Variants in ESF1 observed in about 807,000 individuals in gnomAD.
The protein encoded by ESF1 is ESF1 nucleolar pre-rRNA processing protein.
ESF1 carries 58 observed loss-of-function variants against 92.0 expected under a neutral mutation model. The observed-to-expected ratio is 0.63, with a 90% CI of 0.51 to 0.78. The LOEUF is 0.78. Ranked by LOEUF, ESF1 falls within the 30% of genes least tolerant of loss-of-function variation. The pLI, the probability that ESF1 is intolerant of heterozygous loss-of-function variation, is 0.00. For missense variants in ESF1, 922 were observed against 989.1 expected, an observed-to-expected ratio of 0.93 and a Z score of 0.91; for synonymous variants, 321 against 313.7, an observed-to-expected ratio of 1.02 and a Z score of -0.24.
chr20:13,737,828 T>C lies in ESF1; in HGVS notation c.1829-3986A>G, dbSNP rs183300581. 4.4e-3 allele frequency among the ~76,000 whole-genome samples: 662 copies of C among 152,110 alleles called. 2 individuals carry two copies. The highest frequency in any genetic ancestry group is 0.015 in the South Asian group (73 of 4,826). On this transcript the variant is annotated intron_variant, in intron 9 of 13. Coordinates refer to ENST00000617257, the MANE Select transcript of ESF1 (RefSeq NM_001276380.2). Reference sequence around the variant, plus strand: ...GCCACCATGCCAGACTAATTTTTTCTGTATTTTTAGTAGAGACAGGGTTCG... The same window carrying C: ...GCCACCATGCCAGACTAATTTTTTCCGTATTTTTAGTAGAGACAGGGTTCG...
At chr20:13,770,431 T>C (rs1301592789) in intron 6 of ESF1, among the ~76,000 whole-genome samples, 2 of 152,212 alleles carry the variant, frequency 1.3e-5, no homozygotes, top group Non-Finnish European at 2.9e-5. Flanking sequence ...GTCCATGGCA[T>C]AATCATGGCT....
At chr20:13,748,637 G>C (rs1190694460) in intron 9 of ESF1, among the ~76,000 whole-genome samples, 1 of 146,428 alleles carries the variant, frequency 6.8e-6, no homozygotes, top group Admixed American at 6.8e-5. Context: ...CCCCAGGCTG[G>C]AGTGCAGTGG....
intron 9 of ESF1, among the ~76,000 whole-genome samples, chr20:13,748,585 TATATATA>T (rs1348830286): frequency 0.039 from 2,765 of 70,032 alleles, 173 homozygotes; most frequent in African/African-American, 0.12. Context: ...TATATATATA[TATATATA>T]TTTTTTTTTT....
At chr20:13,767,430 A>G (rs1979482585) in intron 7 of ESF1, among the ~76,000 whole-genome samples, 1 of 151,936 alleles carries the variant, frequency 6.6e-6, no homozygotes, top group Admixed American at 6.6e-5. Context: ...CTGAGGCAGC[A>G]GAATCAGGAG....
Position 13,715,931 on chromosome 20 carries a change from T to C in ESF1, c.2263-764A>G, listed in dbSNP as rs73091994. Among the ~76,000 whole-genome samples, 556 of 152,290 alleles carry C rather than the reference T, an allele frequency of 3.7e-3. 1 individual carries two copies. The highest frequency in any genetic ancestry group is 6.2e-3 in the Non-Finnish European group (422 of 68,020). Reference sequence around the variant, plus strand: ...ACAAGGAAAAAAATCCTGTAAAAAATACTTTTATGCATATATTAATATATG... The same window carrying C: ...ACAAGGAAAAAAATCCTGTAAAAAACACTTTTATGCATATATTAATATATG... On this transcript the variant is annotated intron_variant, in intron 13 of 13. Transcript: ENST00000617257.
intron 7 of ESF1, among the ~76,000 whole-genome samples, chr20:13,767,838 T>C (rs988414548): frequency 8.5e-5 from 13 of 152,326 alleles, no homozygotes; most frequent in Non-Finnish European, 1.6e-4. Flanking sequence ...ATCTTCATCA[T>C]AGGGTAGATC....
chr20:13,782,075 A>G (rs971659378), intron 2 of ESF1, among the ~76,000 whole-genome samples: 3 of 151,976 alleles, frequency 2.0e-5, no homozygotes, highest in African/African-American at 7.2e-5. Flanking sequence ...ATGGGGTTTC[A>G]CCATGTTGGC....
chr20:13,771,297 A>G, intron 6 of ESF1, 34 bp downstream of exon 6: 1 of 1,561,824 alleles, frequency 6.4e-7, no homozygotes, highest in South Asian at 1.1e-5. Context: ...TGTTGTACTA[A>G]AAGATTAAAT....
At chr20:13,746,988 G>A (rs768978313) in intron 9 of ESF1, among the ~76,000 whole-genome samples, 1 of 152,120 alleles carries the variant, frequency 6.6e-6, no homozygotes, top group Non-Finnish European at 1.5e-5. Context: ...TAGACACAAT[G>A]ACAATGTTTG....
In ESF1 at chr20:13,783,067, A is replaced by T. The variant is rs761489687; in HGVS notation, c.74T>A (p.Met25Lys). ...TTTGACTTTTCGATCCTTTTCTGGC[A>T]TTTCCCAAAATCTCGGGTCCTTTGC... ...RVAKDPRFWE[M>K]PEKDRKVKID... The change falls in exon 2 of 14, where the codon ATG (methionine) becomes AAG (lysine). Residue 25 changes from methionine (M) to lysine (K), a missense_variant. By Grantham distance (95) the Met-to-Lys change is moderately conservative (BLOSUM62 -1). Coordinates refer to ENST00000617257, the MANE Select transcript of ESF1 (RefSeq NM_001276380.2). The T allele has an allele frequency of 1.2e-6, 2 of 1,613,886 alleles. No homozygotes were observed. Among genetic ancestry groups the T allele is most frequent in the Non-Finnish European group, 1.7e-6 (2 of 1,180,014 alleles).
chr20:13,718,065 A>G (rs188856636), intron 12 of ESF1, among the ~76,000 whole-genome samples: 13 of 151,462 alleles, frequency 8.6e-5, no homozygotes. Context: ...CTAAACGGGT[A>G]TTTTCTACCA....
At chr20:13,739,721 C>CAA (rs112560154) in intron 9 of ESF1, among the ~76,000 whole-genome samples, 1,881 of 77,876 alleles carry the variant, frequency 0.024, 10 homozygotes, top group Non-Finnish European at 0.032. Flanking sequence ...TAAGAAAGTT[C>CAA]AAAAAAAAAA....
At chr20:13,719,396 TAG>T (rs1262067661) in intron 11 of ESF1, among the ~76,000 whole-genome samples, 1 of 152,100 alleles carries the variant, frequency 6.6e-6, no homozygotes. Flanking sequence ...AGGAAATCTT[TAG>T]AAAGATTACA....
At chr20:13,760,469 C>A (rs1440441447) in intron 8 of ESF1, among the ~76,000 whole-genome samples, 1 of 151,052 alleles carries the variant, frequency 6.6e-6, no homozygotes, top group South Asian at 2.1e-4. Context: ...AGGTGAGGAG[C>A]GTCTCTGCCC....
intron 9 of ESF1, among the ~76,000 whole-genome samples, chr20:13,756,362 T>C (rs2147757855): frequency 6.6e-6 from 1 of 152,308 alleles, no homozygotes; most frequent in East Asian, 1.9e-4. Flanking sequence ...ACTCATACAT[T>C]AAAATATCAA....
rs555967051 is a variant in ESF1 at position 13,730,787 on chromosome 20, A to G, written c.1951-2322T>C. ...AGAATATTTGCTATGTACCTACTCAACACATTTCTTTAACTGCTTTATAGA... is the reference window on the plus strand; with the variant it reads ...AGAATATTTGCTATGTACCTACTCAGCACATTTCTTTAACTGCTTTATAGA... On this transcript the variant is annotated intron_variant, in intron 10 of 13. Transcript: ENST00000617257. 1.6e-3 allele frequency among the ~76,000 whole-genome samples: 236 copies of G among 152,048 alleles called. 1 individual carries two copies. The highest frequency in any genetic ancestry group is 5.6e-3 in the African/African-American group (233 of 41,466).
intron 9 of ESF1, among the ~76,000 whole-genome samples, chr20:13,742,822 T>C (rs779992954): frequency 2.6e-5 from 4 of 152,212 alleles, no homozygotes; most frequent in African/African-American, 4.8e-5. Flanking sequence ...ATCACAGATA[T>C]GTGCAAATAC....
chr20:13,739,766 A>C (rs1315075523), intron 9 of ESF1, among the ~76,000 whole-genome samples: 4 of 151,800 alleles, frequency 2.6e-5, no homozygotes, highest in Admixed American at 1.3e-4. Flanking sequence ...ATCAAACTAG[A>C]TTAGAAGCAA....
At chr20:13,732,718 G>A (rs915557722) in intron 10 of ESF1, among the ~76,000 whole-genome samples, 3 of 151,960 alleles carry the variant, frequency 2.0e-5, no homozygotes, top group African/African-American at 4.8e-5. Context: ...CAGTAATAAC[G>A]CTCTAAGGCA....
Sources: gnomAD v4.1 joint callset for allele counts (sites outside exome capture counted in the v4.1 genomes callset) on GRCh38, gnomAD v4.1.1 for gene constraint, MANE v1.5 for transcripts, NCBI Gene and HGNC (gene_info 2026-07-23, HGNC 2026-07-21) for gene names.